NOSTRIN: variants seen among roughly 807,000 people sequenced by gnomAD.
NOSTRIN encodes the protein BM247 homolog.
A neutral mutation model predicts 59.0 loss-of-function variants in NOSTRIN; 63 were observed. The ratio of observed to expected loss-of-function variants is 1.07; its 90% CI spans 0.87 to 1.32. NOSTRIN has a LOEUF of 1.32. Among genes scored for constraint, NOSTRIN ranks in the 40% most tolerant of loss-of-function variants. The probability of loss-of-function intolerance (pLI) is 0.00; values close to 1 mark genes in which losing one functional copy is unlikely to be tolerated. For missense variants in NOSTRIN, 512 were observed against 473.1 expected, an observed-to-expected ratio of 1.08 and a Z score of -0.76; for synonymous variants, 200 against 165.4, an observed-to-expected ratio of 1.21 and a Z score of -1.61.
intron 13 of NOSTRIN, among the ~76,000 whole-genome samples, chr2:168,860,537 G>A (rs1392463604): frequency 6.6e-6 from 1 of 152,100 alleles, no homozygotes; most frequent in South Asian, 2.1e-4. Context: ...CAGGCATGGT[G>A]GTGGGCACCT....
At chr2:168,811,753 G>A (rs1272173172) in intron 2 of NOSTRIN, 101 bp downstream of exon 2, 1 of 542,102 alleles carries the variant, frequency 1.8e-6, no homozygotes, top group African/African-American at 2.0e-5. Context: ...TCCAGAATGT[G>A]GTGTTATATT....
rs754642185 is a variant in NOSTRIN at position 168,865,159 on chromosome 2, G to C, written c.*189G>C. The C allele has an allele frequency of 3.2e-6, 2 of 632,466 alleles. No individual in the cohort carries two copies. Among genetic ancestry groups the C allele is most frequent in the Non-Finnish European group, 5.3e-6 (2 of 379,224 alleles). The allele number at this position is 632,466 out of a possible 1,614,324, so 39.2% of individuals were successfully genotyped here. On this transcript the variant is annotated 3_prime_UTR_variant, in exon 16 of 16. Transcript: ENST00000317647. ...GTCAGAAAAAAGATGGATGGGTGGA[G>C]ACAGACAAGGAAGAGGCTCCTTGGT... is the stretch of plus-strand genomic sequence containing the variant.
chr2:168,796,142 T>C (rs530996611), upstream of NOSTRIN, among the ~76,000 whole-genome samples: 6 of 152,356 alleles, frequency 3.9e-5, no homozygotes, highest in African/African-American at 1.4e-4. Context: ...AGTGATGTCA[T>C]GTATGGTAAA....
chr2:168,792,528 C>T (rs1685384569), intron 2 of NOSTRIN, among the ~76,000 whole-genome samples: 1 of 152,188 alleles, frequency 6.6e-6, no homozygotes. Flanking sequence ...TGACTCACTG[C>T]AACCTCTGTC....
intron 7 of NOSTRIN, among the ~76,000 whole-genome samples, chr2:168,839,538 G>A (rs1464502620): frequency 2.0e-5 from 3 of 151,692 alleles, no homozygotes; most frequent in African/African-American, 7.3e-5. Context: ...TGTTCCAAGA[G>A]CAAAAAAAGG....
chr2:168,857,162 GTT>G (rs2105780000), intron 12 of NOSTRIN, among the ~76,000 whole-genome samples: 1 of 152,278 alleles, frequency 6.6e-6, no homozygotes, highest in Non-Finnish European at 1.5e-5. Context: ...GTCAACTTTA[GTT>G]TTCTCATCCG....
At chr2:168,834,507 G>GCGCGCGCGCGCGCACACACACACACACA (rs756381301) in intron 7 of NOSTRIN, among the ~76,000 whole-genome samples, 182 bp downstream of exon 7, 1 of 125,340 alleles carries the variant, frequency 8.0e-6, no homozygotes, top group African/African-American at 3.1e-5. Flanking sequence ...GCGCGCGCGC[G>GCGCGCGCGCGCGCACACACACACACACA]CACACACACA....
At chr2:168,857,726 T>G (rs1267120908) in intron 12 of NOSTRIN, among the ~76,000 whole-genome samples, 3 of 152,248 alleles carry the variant, frequency 2.0e-5, no homozygotes, top group Non-Finnish European at 4.4e-5. Flanking sequence ...TTTAAGGAGA[T>G]AAATTTTTTA....
At position 168,834,223 on chromosome 2, in the gene NOSTRIN, C is replaced by G. The variant is rs746415410; in HGVS notation, c.406-4C>G. On this transcript the variant is annotated splice_polypyrimidine_tract_variant and splice_region_variant and intron_variant, in intron 6 of 15. Coordinates refer to ENST00000317647, the MANE Select transcript of NOSTRIN (RefSeq NM_001039724.4). The stretch of plus-strand genomic sequence containing the variant: ...TTTTCTTGTTTGTATGTTTTTTACT[C>G]TAGGCCAAGAAGAAATTAATGGTTA... 5.7e-6 allele frequency: 5 copies of G among 871,424 alleles called. No individual in the cohort carries two copies. The highest frequency in any genetic ancestry group is 4.9e-5 in the African/African-American group (3 of 61,208). 54.0% of individuals were successfully genotyped at this position (871,424 alleles called of 1,614,324 possible). A position where few individuals can be genotyped will look rare whatever the true frequency, so the allele number is the denominator to read the frequency against.
At position 168,810,631 on chromosome 2, in the gene NOSTRIN, T is replaced by C. The variant is rs369686824; in HGVS notation, c.28-936T>C. On this transcript the variant is annotated intron_variant, in intron 1 of 15. Coordinates refer to ENST00000317647, the MANE Select transcript of NOSTRIN (RefSeq NM_001039724.4). ...TTGAACACTGGAATAGGCTGGCTCA[T>C]TGTATGAGCAAAGAACAGCACAGCC... Among the ~76,000 whole-genome samples, 40 of 152,302 alleles carry C rather than the reference T, an allele frequency of 2.6e-4. No individual in the cohort carries two copies. The South Asian group carries it at 8.3e-3, about 32-fold the overall frequency.
At position 168,865,113 on chromosome 2, in the gene NOSTRIN, C is replaced by CATG. The variant is rs1481118720; in HGVS notation, c.*146_*148dup. On this transcript the variant is annotated 3_prime_UTR_variant, in exon 16 of 16. Coordinates refer to ENST00000317647, the MANE Select transcript of NOSTRIN (RefSeq NM_001039724.4). ...CCTGCATGTCACAGCACTTTGCATT[C>CATG]ATGATTATTAGCTTGAAACAGTCAG... 8.3e-6 allele frequency: 7 copies of CATG among 839,132 alleles called. No homozygotes were observed. Among genetic ancestry groups the CATG allele is most frequent in the African/African-American group, 6.8e-5 (4 of 58,400 alleles). 52.0% of individuals were successfully genotyped at this position (839,132 alleles called of 1,614,324 possible). A position where few individuals can be genotyped will look rare whatever the true frequency, so the allele number is the denominator to read the frequency against.
chr2:168,791,313 G>A (rs1685346285), intron 2 of NOSTRIN, among the ~76,000 whole-genome samples: 1 of 152,136 alleles, frequency 6.6e-6, no homozygotes. Context: ...CCCTATAAAG[G>A]ACATGAACTC....
chr2:168,831,674 G>A, intron 6 of NOSTRIN, 140 bp downstream of exon 6: 1 of 602,804 alleles, frequency 1.7e-6, no homozygotes, highest in Non-Finnish European at 3.1e-6. Flanking sequence ...TTACCTGGTT[G>A]TTACACAGAT....
intron 2 of NOSTRIN, among the ~76,000 whole-genome samples, chr2:168,792,083 C>G (rs1685370976): frequency 6.6e-6 from 1 of 151,998 alleles, no homozygotes; most frequent in African/African-American, 2.4e-5. Flanking sequence ...AATGGTATTG[C>G]CTAGGTTTTC....
chr2:168,829,520 T>C (rs572411), intron 5 of NOSTRIN, among the ~76,000 whole-genome samples: 135,652 of 152,140 alleles, frequency 0.89, 60,541 homozygotes, highest in East Asian at 0.96. Flanking sequence ...CAGGGATCGC[T>C]ATGTTGGTCA....
chr2:168,858,500 A>G (rs1689249888), intron 12 of NOSTRIN, among the ~76,000 whole-genome samples: 1 of 152,242 alleles, frequency 6.6e-6, no homozygotes, highest in South Asian at 2.1e-4. Context: ...GCAGTGTCAT[A>G]AGAAAAATTG....
intron 2 of NOSTRIN, among the ~76,000 whole-genome samples, chr2:168,819,505 TAACCG>T (rs1686600997): frequency 6.6e-6 from 1 of 152,228 alleles, no homozygotes; most frequent in Non-Finnish European, 1.5e-5. Context: ...GGGAAGAATT[TAACCG>T]TTAACATCTG....
rs1553527234 is a variant in NOSTRIN, at chr2:168,834,511, A to ACACACGCG, written c.504+191_504+192insGCGCACAC. Among the ~76,000 whole-genome samples, 308 of 129,482 alleles carry ACACACGCG rather than the reference A, an allele frequency of 2.4e-3. 8 individuals are homozygous for ACACACGCG. The East Asian group carries it at 0.055, about 23-fold the overall frequency. The allele number at this position is 129,482 out of a possible 152,430, so 84.9% of individuals were successfully genotyped here. ...GGCGTGCGCGCGCGCGCGCGCGCAC[A>ACACACGCG]CACACACACACACACACACACACAC... is the stretch of plus-strand genomic sequence containing the variant. On this transcript the variant is annotated intron_variant, in intron 7 of 15. Coordinates refer to ENST00000317647, the MANE Select transcript of NOSTRIN (RefSeq NM_001039724.4).
At chr2:168,799,296 A>G (rs1400986972), upstream of NOSTRIN, among the ~76,000 whole-genome samples, 1 of 152,202 alleles carries the variant, frequency 6.6e-6, no homozygotes, top group Non-Finnish European at 1.5e-5. Context: ...TTAGGTTCAC[A>G]TTCTCATCAA....
Sources: allele counts gnomAD v4.1 joint callset (sites outside exome capture counted in the v4.1 genomes callset), GRCh38; gene constraint gnomAD v4.1.1; transcripts MANE v1.5; gene names NCBI Gene and HGNC (gene_info 2026-07-23, HGNC 2026-07-21).